The following AGTPBP1 variants were observed in gnomAD, a reference collection of about 807,000 sequenced individuals.
The protein encoded by AGTPBP1 is cytosolic carboxypeptidase 1.
In AGTPBP1, 70 loss-of-function variants were observed where a neutral mutation model predicts 143.9. The observed-to-expected ratio is 0.49, with a 90% CI of 0.40 to 0.59. The LOEUF (loss-of-function observed/expected upper bound fraction) is 0.59, where lower values mean the gene tolerates loss of function less well. Ranked by LOEUF, AGTPBP1 falls within the 20% of genes least tolerant of loss-of-function variation. The pLI is 0.00. For missense variants in AGTPBP1, 1,229 were observed against 1,464.5 expected, an observed-to-expected ratio of 0.84 and a Z score of 2.62; for synonymous variants, 463 against 500.2, an observed-to-expected ratio of 0.93 and a Z score of 0.99.
At chr9:85,751,543 C>T in the AGTPBP1 span, among the ~76,000 whole-genome samples, 1 of 152,178 alleles carries the variant, frequency 6.6e-6, no homozygotes, top group African/African-American at 2.4e-5. Flanking sequence ...GGCGTCCTTC[C>T]TGTCCTGCTA....
intron 2 of AGTPBP1, among the ~76,000 whole-genome samples, chr9:85,697,403 A>G (rs969531435): frequency 6.7e-6 from 1 of 148,486 alleles, no homozygotes; most frequent in Non-Finnish European, 1.5e-5. Flanking sequence ...AAATGAATTA[A>G]TATTTGTAAT....
chr9:85,647,195 T>C (rs1379953928), intron 11 of AGTPBP1, among the ~76,000 whole-genome samples: 1 of 152,174 alleles, frequency 6.6e-6, no homozygotes, highest in African/African-American at 2.4e-5. Context: ...AAGAATTGCT[T>C]GAACCTGGGA....
At chr9:85,657,834 CCT>C (rs1833624917) in intron 9 of AGTPBP1, among the ~76,000 whole-genome samples, 191 bp from the exon 10 acceptor site, 1 of 152,138 alleles carries the variant, frequency 6.6e-6, no homozygotes, top group African/African-American at 2.4e-5. Flanking sequence ...AAAATTACAA[CCT>C]CTTCCAAAAT....
chr9:85,786,894 T>C, the AGTPBP1 span, among the ~76,000 whole-genome samples: 1 of 152,242 alleles, frequency 6.6e-6, no homozygotes, highest in Admixed American at 6.5e-5. Flanking sequence ...CTAAAATATC[T>C]ATCAAGTATG....
At chr9:85,594,427 A>G (rs1829164602) in intron 18 of AGTPBP1, among the ~76,000 whole-genome samples, 1 of 152,124 alleles carries the variant, frequency 6.6e-6, no homozygotes, top group African/African-American at 2.4e-5. Flanking sequence ...AGTCTCTACA[A>G]AAAATACAAA....
the AGTPBP1 span, among the ~76,000 whole-genome samples, chr9:85,761,082 C>T: frequency 7.2e-5 from 11 of 152,162 alleles, no homozygotes; most frequent in African/African-American, 2.7e-4. Context: ...TGAAGGACCT[C>T]TTCAAGGAGA....
At chr9:85,752,138 G>A in the AGTPBP1 span, among the ~76,000 whole-genome samples, 1 of 152,074 alleles carries the variant, frequency 6.6e-6, no homozygotes, top group East Asian at 1.9e-4. Flanking sequence ...TCAGGAGGCT[G>A]AAGCATGAGA....
At chr9:85,794,701 A>G in the AGTPBP1 span, among the ~76,000 whole-genome samples, 1 of 152,184 alleles carries the variant, frequency 6.6e-6, no homozygotes, top group African/African-American at 2.4e-5. Context: ...GAATTTTGAT[A>G]GGAATTGCAT....
At chr9:85,642,256 CA>C (rs1182695538) in intron 13 of AGTPBP1, among the ~76,000 whole-genome samples, 1 of 152,046 alleles carries the variant, frequency 6.6e-6, no homozygotes, top group African/African-American at 2.4e-5. Flanking sequence ...CTCTGTAATC[CA>C]GGCTGAATAA....
chr9:85,652,942 G>A (rs1251345536), intron 11 of AGTPBP1, among the ~76,000 whole-genome samples: 3 of 152,194 alleles, frequency 2.0e-5, no homozygotes, highest in Non-Finnish European at 4.4e-5. Flanking sequence ...CCCAGCTAGT[G>A]TCTGGAGATA....
At chr9:85,690,626 C>T (rs10780737) in intron 3 of AGTPBP1, among the ~76,000 whole-genome samples, 53,936 of 143,224 alleles carry the variant, frequency 0.38, 12,383 homozygotes, top group African/African-American at 0.66. Context: ...CATTCTCTGA[C>T]AGCGGTAGGG....
At chr9:85,754,530 C>A in the AGTPBP1 span, among the ~76,000 whole-genome samples, 2 of 152,020 alleles carry the variant, frequency 1.3e-5, no homozygotes, top group East Asian at 3.9e-4. Flanking sequence ...CAAAGAAAAC[C>A]AAATTGTATA....
At chr9:85,667,704 A>G (rs932004717) in intron 8 of AGTPBP1, among the ~76,000 whole-genome samples, 1 of 152,166 alleles carries the variant, frequency 6.6e-6, no homozygotes, top group African/African-American at 2.4e-5. Context: ...GGATATACTC[A>G]TATGTTAAAT....
At chr9:85,558,182 C>T (rs1166035370) in intron 25 of AGTPBP1, among the ~76,000 whole-genome samples, 2 of 152,172 alleles carry the variant, frequency 1.3e-5, no homozygotes, top group Non-Finnish European at 2.9e-5. Flanking sequence ...GTGACACATG[C>T]TACAATATGG....
chr9:85,753,813 A>T, the AGTPBP1 span, among the ~76,000 whole-genome samples: 1 of 151,604 alleles, frequency 6.6e-6, no homozygotes, highest in South Asian at 2.1e-4. Context: ...TAGATGTAAA[A>T]ACTGTTGGAC....
At chr9:85,681,198 C>T (rs1835148308) in intron 4 of AGTPBP1, 70 bp downstream of exon 4, 2 of 1,355,694 alleles carry the variant, frequency 1.5e-6, no homozygotes, top group Admixed American at 1.8e-5. Flanking sequence ...TATACACACA[C>T]ATACGCTTTT....
At chr9:85,747,069 C>A in the AGTPBP1 span, among the ~76,000 whole-genome samples, 1 of 152,074 alleles carries the variant, frequency 6.6e-6, no homozygotes, top group Non-Finnish European at 1.5e-5. Flanking sequence ...ATTTCCCAGG[C>A]TGATCTTGAA....
At chr9:85,761,763 A>C in the AGTPBP1 span, among the ~76,000 whole-genome samples, 1 of 152,208 alleles carries the variant, frequency 6.6e-6, no homozygotes, top group Non-Finnish European at 1.5e-5. Flanking sequence ...CAAAAGCCAA[A>C]ATTGACAAAT....
chr9:85,592,812 G>A (rs1829056573), intron 18 of AGTPBP1, 108 bp from the exon 19 acceptor site: 4 of 1,320,628 alleles, frequency 3.0e-6, no homozygotes, highest in African/African-American at 3.0e-5. Flanking sequence ...ACCCGAGTCT[G>A]TAAAAAGTGT....
Sources: gnomAD v4.1 joint callset for allele counts (sites outside exome capture counted in the v4.1 genomes callset) on GRCh38, gnomAD v4.1.1 for gene constraint, MANE v1.5 for transcripts, NCBI Gene and HGNC (gene_info 2026-07-23, HGNC 2026-07-21) for gene names.